The following CELSR2 variants were observed in gnomAD, a reference collection of about 807,000 sequenced individuals.
The protein encoded by CELSR2 is EGF-like protein 2.
CELSR2 carries 81 observed loss-of-function variants against 251.6 expected under a neutral mutation model. The ratio of observed to expected loss-of-function variants is 0.32; its 90% confidence interval spans 0.27 to 0.39. CELSR2 has a LOEUF of 0.39. CELSR2 is among the 10% of genes least tolerant of loss of function. The pLI is 1.00. For synonymous variants in CELSR2, 1,721 were observed against 1,670.5 expected, an observed-to-expected ratio of 1.03 and a Z score of -0.74; for missense variants, 3,365 against 3,947.7, an observed-to-expected ratio of 0.85 and a Z score of 3.96.
In CELSR2 at chr1:109,269,281, G is replaced by T. The variant is rs999842399; in HGVS notation, c.6803G>T (p.Arg2268Leu). ...CCTCATAACTATGACCCTGACAAGC[G>T]CAGCTTGAGGTCAGCAGCTAGGGGA... ...LLPHNYDPDK[R>L]SLRVPKRPII... The change falls in exon 20 of 34, where the codon CGC becomes CTC. Residue 2268 changes from arginine (R) to leucine (L), a missense_variant. Physicochemically the swap from Arg to Leu is moderately radical, Grantham distance 102. This residue lies in a region of CELSR2 where 2,093 missense variants were observed against 2,382.8 expected (regional missense o/e 0.88). Transcript: ENST00000271332. The surrounding 1 kb of genome is among the most constrained non-coding windows in gnomAD (Gnocchi z 6.4). 2 of 1,613,042 alleles carry T rather than the reference G, an allele frequency of 1.2e-6. No homozygotes were observed. Among genetic ancestry groups the T allele is most frequent in the African/African-American group, 1.3e-5 (1 of 74,918 alleles).
At chr1:109,255,262 G>A (rs1040578610) in intron 1 of CELSR2, among the ~76,000 whole-genome samples, 3 of 152,010 alleles carry the variant, frequency 2.0e-5, no homozygotes, top group South Asian at 2.1e-4. Flanking sequence ...TTTCTTTCCC[G>A]CCCCTGCCCA....
rs1458943134 is a variant in CELSR2, at chr1:109,273,488, G to A, written c.8562G>A (p.Leu2854=). 6.2e-7 allele frequency: 1 copy of A among 1,612,162 alleles called. No homozygotes were observed. Among genetic ancestry groups the A allele is most frequent in the African/African-American group, 1.3e-5 (1 of 74,958 alleles). The change falls in exon 33 of 34, where the codon CTG becomes CTA. Residue 2854 remains leucine, a synonymous_variant. Transcript: ENST00000271332. Reference sequence around the variant, plus strand: ...CCATCAGCGAGAAGAGCAGCCTCCTGCGGCTCCCCCTGGAGCAATGCACAG... The same window carrying A: ...CCATCAGCGAGAAGAGCAGCCTCCTACGGCTCCCCCTGGAGCAATGCACAG... The part of the protein sequence containing the change: ...LPTISEKSSL[L]RLPLEQCTGS...
chr1:109,268,983 C>A lies in CELSR2; in HGVS notation c.6606C>A (p.Val2202=). ...GEQPPDLETT[V]ILPESVFRET... ...AGCCCCCGGACCTTGAGACAACAGT[C>A]ATTCTGCCTGAGTCTGTCTTCAGAG... The change falls in exon 19 of 34, where the codon GTC becomes GTA. Residue 2202 remains valine, a synonymous_variant. Transcript: ENST00000271332. The A allele has an allele frequency of 6.2e-7, 1 of 1,613,284 alleles. No homozygotes were observed. Among genetic ancestry groups the A allele is most frequent in the South Asian group, 1.1e-5 (1 of 91,004 alleles).
chr1:109,272,797 G>C, intron 30 of CELSR2, 36 bp from the exon 31 acceptor site: 1 of 1,613,016 alleles, frequency 6.2e-7, no homozygotes, highest in East Asian at 2.2e-5. Context: ...GGGTGGAGGT[G>C]GCTGGGCTGG....
Position 109,273,622 on chromosome 1 carries a change from C to A in CELSR2, c.8696C>A (p.Ala2899Asp). The A allele has an allele frequency of 6.6e-7, 1 of 1,526,618 alleles. No individual in the cohort carries two copies. The highest frequency in any genetic ancestry group is 8.8e-7 in the Non-Finnish European group (1 of 1,133,502). 94.6% of individuals were successfully genotyped at this position (1,526,618 alleles called of 1,614,324 possible). ...QEQLNGVMPI[A>D]MSIKAGTVDE... is the part of the protein sequence containing the mutation. Reference sequence around the variant, plus strand: ...CAGCTGAACGGGGTCATGCCCATCGCCATGAGCATCAAGGCAGGCACGGTG... The same window carrying A: ...CAGCTGAACGGGGTCATGCCCATCGACATGAGCATCAAGGCAGGCACGGTG... Residue 2899 changes from alanine (A) to aspartate (D), a missense_variant, in exon 33 of 34, where the codon GCC (alanine) becomes GAC (aspartate). Ala to Asp is a moderately radical substitution (Grantham distance 126, BLOSUM62 -2). Coordinates refer to ENST00000271332, the MANE Select transcript of CELSR2 (RefSeq NM_001408.3).
Position 109,270,514 on chromosome 1 carries a change from G to C in CELSR2, c.7397G>C (p.Arg2466Pro). Residue 2466 changes from arginine (R) to proline (P), a missense_variant, in exon 24 of 34, where the codon CGG becomes CCG. Transcript: ENST00000271332. ...CTGCTGGAGGCCTTGCACCTGTACC[G>C]GGCACTCACTGAGGTGCGCGATGTC... ...WALLEALHLY[R>P]ALTEVRDVNT... The C allele has an allele frequency of 6.2e-7, 1 of 1,614,156 alleles. No homozygotes were observed. Among genetic ancestry groups the C allele is most frequent in the Non-Finnish European group, 8.5e-7 (1 of 1,180,020 alleles).
rs369280249 is a variant in CELSR2 at position 109,250,313 on chromosome 1, G to A, written c.234G>A (p.Glu78=). 1.2e-6 allele frequency: 2 copies of A among 1,613,318 alleles called. No individual in the cohort carries two copies. The highest frequency in any genetic ancestry group is 2.7e-5 in the African/African-American group (2 of 74,950). Residue 78 remains glutamate, a synonymous_variant, in exon 1 of 34, where the codon GAG becomes GAA. Transcript: ENST00000271332. This position sits in a 1 kb window ranked among gnomAD's most constrained non-coding sequence, Gnocchi z 4.4. ...GCCGCTGCAGGGATGCGGGCACTGA[G>A]CTGACTGGCCACCTGGTACCCCACC... The part of the protein sequence containing the change: ...YTSRCRDAGT[E]LTGHLVPHHD...
At chr1:109,266,056 A>G in intron 14 of CELSR2, 49 bp from the exon 15 acceptor site, 1 of 1,605,512 alleles carries the variant, frequency 6.2e-7, no homozygotes, top group Non-Finnish European at 8.5e-7. Flanking sequence ...CCTGGGCAGG[A>G]CAGCAGAGGG....
chr1:109,268,462 A>G (rs1274653570), intron 17 of CELSR2, 119 bp from the exon 18 acceptor site: 2 of 1,323,740 alleles, frequency 1.5e-6, no homozygotes, highest in Non-Finnish European at 2.0e-6. Flanking sequence ...GGCAACAGTG[A>G]GCACAGAGGG....
In CELSR2 at chr1:109,258,727, T is replaced by A; in HGVS notation, c.3606T>A (p.Ser1202=). The A allele has an allele frequency of 6.4e-7, 1 of 1,560,240 alleles. No individual in the cohort carries two copies. Among genetic ancestry groups the A allele is most frequent in the South Asian group, 1.2e-5 (1 of 85,150 alleles). The change falls in exon 2 of 34, where the codon TCT becomes TCA. Residue 1202 remains serine (S), a synonymous_variant. Coordinates refer to ENST00000271332, the MANE Select transcript of CELSR2 (RefSeq NM_001408.3). ...GGGGCGGGCCGCCCTTCCTGCCCTC[T>A]GAGGACCTGCAGGAGCGCCTATACC... ...GPGGGPPFLP[S]EDLQERLYLN...
At position 109,250,611 on chromosome 1, in the gene CELSR2, G is replaced by T. The variant is rs370730882; in HGVS notation, c.532G>T (p.Ala178Ser). Residue 178 changes from alanine to serine, a missense_variant, in exon 1 of 34, where the codon GCC (alanine) becomes TCC (serine). Transcript: ENST00000271332. The surrounding 1 kb of genome is among the most constrained non-coding windows in gnomAD (Gnocchi z 4.4). ...GGRRKRNVNT[A>S]PQFQPPSYQA... The stretch of plus-strand genomic sequence containing the variant: ...GCGTCGGAAAAGGAATGTAAATACA[G>T]CCCCCCAGTTCCAGCCCCCCAGCTA... 1 of 1,614,012 alleles carries T rather than the reference G, an allele frequency of 6.2e-7. No homozygotes were observed. Among genetic ancestry groups the T allele is most frequent in the South Asian group, 1.1e-5 (1 of 91,076 alleles).
chr1:109,268,502 C>A (rs745871481), intron 17 of CELSR2, 79 bp from the exon 18 acceptor site: 2 of 1,496,714 alleles, frequency 1.3e-6, no homozygotes, highest in Non-Finnish European at 1.8e-6. Context: ...GGGACTGGCC[C>A]GGGCACAGGC....
intron 11 of CELSR2, 50 bp from the exon 12 acceptor site, chr1:109,264,818 G>T: frequency 6.2e-7 from 1 of 1,612,844 alleles, no homozygotes; most frequent in Non-Finnish European, 8.5e-7. Flanking sequence ...ATGGAAGATG[G>T]TGCCAGGGGA....
In CELSR2 at chr1:109,272,925, G is replaced by A. The variant is rs748347712; in HGVS notation, c.8236G>A (p.Glu2746Lys). The A allele has an allele frequency of 1.9e-6, 3 of 1,614,084 alleles. No individual in the cohort carries two copies. The highest frequency in any genetic ancestry group is 1.7e-6 in the Non-Finnish European group (2 of 1,180,010). The change falls in exon 31 of 34, where the codon GAA becomes AAA. Residue 2746 changes from glutamate to lysine, a missense_variant. Glu to Lys is a moderately conservative substitution (Grantham distance 56, BLOSUM62 1). This residue lies in a region of CELSR2 where 2,093 missense variants were observed against 2,382.8 expected (regional missense o/e 0.88). Transcript: ENST00000271332. The stretch of plus-strand genomic sequence containing the variant: ...CCACTCATCAGACAGTGAGGAGGAA[G>A]AAGAGGAGGAGGAAGAGGAGGCCGC... ...STHSSDSEEE[E>K]EEEEEEAAFP...
chr1:109,257,542 CT>C (rs1179900949), intron 1 of CELSR2, among the ~76,000 whole-genome samples: 1 of 152,088 alleles, frequency 6.6e-6, no homozygotes, highest in Non-Finnish European at 1.5e-5. Flanking sequence ...TAGTGCTTAG[CT>C]GTTTATAAGT....
At position 109,271,585 on chromosome 1, in the gene CELSR2, C is replaced by T; in HGVS notation, c.7804-15C>T. The T allele has an allele frequency of 1.9e-6, 3 of 1,614,132 alleles. No homozygotes were observed. The highest frequency in any genetic ancestry group is 2.5e-6 in the Non-Finnish European group (3 of 1,180,036). On this transcript the variant is annotated splice_polypyrimidine_tract_variant and intron_variant, in intron 27 of 33. Coordinates refer to ENST00000271332, the MANE Select transcript of CELSR2 (RefSeq NM_001408.3). ...CCTGAATATGCACAGACCGTTGCTG[C>T]CTCTTGCCTGCCAGGGCCCCTTCAT...
At chr1:109,263,330 G>A in intron 8 of CELSR2, 63 bp downstream of exon 8, 1 of 1,527,950 alleles carries the variant, frequency 6.5e-7, no homozygotes, top group South Asian at 1.3e-5. Context: ...GAACTGGCAG[G>A]GTTGGGGCAG....
intron 16 of CELSR2, 69 bp from the exon 17 acceptor site, chr1:109,267,782 C>T (rs1314184385): frequency 1.3e-5 from 20 of 1,575,316 alleles, no homozygotes; most frequent in Non-Finnish European, 1.6e-5. Context: ...GGCCGTCTCT[C>T]ACCTCCTGAG....
Position 109,272,650 on chromosome 1 carries a change from G to C in CELSR2, c.8065G>C (p.Ala2689Pro), listed in dbSNP as rs946131796. ...GTCTCATCTTCCTAGGGAGGAGTCC[G>C]CACTGAACCCTGGCCAAGGGCCCCC... ...YIPFLLREESALNPGQGPPGL... is the reference protein window; with the variant it reads ...YIPFLLREESPLNPGQGPPGL... The change falls in exon 30 of 34, where the codon GCA becomes CCA. Residue 2689 changes from alanine to proline, a missense_variant. Physicochemically the swap from Ala to Pro is conservative, Grantham distance 27. This residue lies in a region of CELSR2 where 2,093 missense variants were observed against 2,382.8 expected (regional missense o/e 0.88). Transcript: ENST00000271332. The C allele has an allele frequency of 5.0e-6, 8 of 1,613,198 alleles. No homozygotes were observed. In the Admixed American group the frequency reaches 1.2e-4, roughly 24 times the overall value.
Sources: gnomAD v4.1 joint callset for allele counts (sites outside exome capture counted in the v4.1 genomes callset) on GRCh38, gnomAD v4.1.1 for gene constraint, gnomAD v4.1.1 regional missense constraint, Gnocchi (gnomAD v3.1) non-coding constraint, MANE v1.5 for transcripts, NCBI Gene and HGNC (gene_info 2026-07-23, HGNC 2026-07-21) for gene names.